AGBL1: variants seen among roughly 807,000 people sequenced by gnomAD.
AGBL1 encodes cytosolic carboxypeptidase 4.
In AGBL1, 130 loss-of-function variants were observed where a neutral mutation model predicts 118.9. The ratio of observed to expected loss-of-function variants is 1.09; its 90% CI spans 0.95 to 1.26. AGBL1 has a LOEUF of 1.26. AGBL1 is among the 50% of genes most tolerant of loss of function. AGBL1 has a pLI of 0.00. For synonymous variants in AGBL1, 555 were observed against 478.9 expected (o/e 1.16, Z -2.08); for missense variants, 1,584 against 1,298.1 (o/e 1.22, Z -3.38).
At chr15:86,769,044 C>T (rs572077634) in intron 22 of AGBL1, among the ~76,000 whole-genome samples, 21 of 152,024 alleles carry the variant, frequency 1.4e-4, no homozygotes, top group Middle Eastern at 3.4e-3. Flanking sequence ...GCCAAAGGAG[C>T]ATATTGCATC....
chr15:86,191,327 G>A (rs574602842), intron 5 of AGBL1, among the ~76,000 whole-genome samples: 178 of 118,928 alleles, frequency 1.5e-3, no homozygotes, highest in Middle Eastern at 0.013. Context: ...CAGCCTGGGC[G>A]ACAGGAGCAA....
At position 86,259,149 on chromosome 15, in the gene AGBL1, A is replaced by T. The variant is rs935499370; in HGVS notation, c.969+1118A>T. Among the ~76,000 whole-genome samples, 4 of 152,130 alleles carry T rather than the reference A, an allele frequency of 2.6e-5. No homozygotes were observed. The South Asian group carries it at 6.2e-4, about 24-fold the overall frequency. On this transcript the variant is annotated intron_variant, in intron 9 of 22. Coordinates refer to ENST00000614907, the MANE Select transcript of AGBL1 (RefSeq NM_001386094.1). ...GGGAGGCTGCCTTGTGCATTGTAGGATGTTTAGCAGCATTCCTCACCTCTA... is the reference window on the plus strand; with the variant it reads ...GGGAGGCTGCCTTGTGCATTGTAGGTTGTTTAGCAGCATTCCTCACCTCTA...
chr15:86,161,056 C>G (rs755796382), intron 5 of AGBL1, among the ~76,000 whole-genome samples: 17 of 152,160 alleles, frequency 1.1e-4, no homozygotes, highest in Non-Finnish European at 2.4e-4. Flanking sequence ...AGGCACAGAT[C>G]TGATCAAAGT....
chr15:86,315,738 A>AG lies in AGBL1; in HGVS notation c.2374+20330_2374+20331insG, dbSNP rs2079996047. Among the ~76,000 whole-genome samples, 5 of 143,642 alleles carry AG rather than the reference A, an allele frequency of 3.5e-5. No homozygotes were observed. In the East Asian group the frequency reaches 1.0e-3, roughly 29 times the overall value. 94.2% of individuals were successfully genotyped at this position (143,642 alleles called of 152,430 possible). A position where few individuals can be genotyped will look rare whatever the true frequency, so the allele number is the denominator to read the frequency against. On this transcript the variant is annotated intron_variant, in intron 17 of 22. Coordinates refer to ENST00000614907, the MANE Select transcript of AGBL1 (RefSeq NM_001386094.1). Reference sequence around the variant, plus strand: ...TTCTCAAAAAAAAAAAAAAAAAAGTATATGTAAAACACAGTGCTAGGCACA... The same window carrying AG: ...TTCTCAAAAAAAAAAAAAAAAAAGTAGTATGTAAAACACAGTGCTAGGCACA...
chr15:86,500,855 A>G (rs937654349), intron 18 of AGBL1, among the ~76,000 whole-genome samples: 2 of 151,872 alleles, frequency 1.3e-5, no homozygotes, highest in African/African-American at 4.8e-5. Context: ...TGGCTCAATA[A>G]TATTCCATTG....
At chr15:86,814,421 C>T (rs1050817455) in intron 22 of AGBL1, among the ~76,000 whole-genome samples, 4 of 152,236 alleles carry the variant, frequency 2.6e-5, no homozygotes, top group Admixed American at 1.3e-4. Context: ...GGTAGGAATT[C>T]GGTGGCCAGG....
At chr15:86,644,876 C>G (rs1407400696) in intron 21 of AGBL1, among the ~76,000 whole-genome samples, 1 of 123,370 alleles carries the variant, frequency 8.1e-6, no homozygotes, top group Non-Finnish European at 1.7e-5. Flanking sequence ...AAAAAAATAG[C>G]TGGGCGTGGT....
At chr15:86,999,476 G>A (rs12909064) in intron 24 of AGBL1, among the ~76,000 whole-genome samples, 2 of 143,748 alleles carry the variant, frequency 1.4e-5, no homozygotes, top group African/African-American at 5.6e-5. Context: ...GCGGTGTTTG[G>A]TTTTTTGTTC....
chr15:86,992,728 T>TG (rs1491437440), intron 24 of AGBL1, among the ~76,000 whole-genome samples: 1 of 150,954 alleles, frequency 6.6e-6, no homozygotes, highest in Non-Finnish European at 1.5e-5. Flanking sequence ...TTTTTTTTTT[T>TG]GTAATGATTT....
At chr15:86,184,873 T>G (rs2077606992) in intron 5 of AGBL1, among the ~76,000 whole-genome samples, 2 of 152,158 alleles carry the variant, frequency 1.3e-5, no homozygotes, top group South Asian at 4.1e-4. Context: ...TCAAGCTACC[T>G]GACTTGAAAC....
chr15:86,920,508 A>T, downstream of AGBL1, among the ~76,000 whole-genome samples: 1 of 152,204 alleles, frequency 6.6e-6, no homozygotes, highest in East Asian at 1.9e-4. Context: ...ATCCATGATC[A>T]AAAGTGGGGA....
intron 21 of AGBL1, among the ~76,000 whole-genome samples, chr15:86,566,116 G>T (rs890333771): frequency 2.0e-5 from 3 of 151,280 alleles, no homozygotes; most frequent in East Asian, 1.9e-4. Context: ...GGCTCACCTC[G>T]TTGGGCTGCA....
intron 5 of AGBL1, among the ~76,000 whole-genome samples, chr15:86,221,115 T>A (rs2078273825): frequency 6.6e-6 from 1 of 151,936 alleles, no homozygotes; most frequent in Non-Finnish European, 1.5e-5. Context: ...GGAGACTCAC[T>A]CGAACCCAAG....
intron 18 of AGBL1, among the ~76,000 whole-genome samples, chr15:86,458,728 G>A (rs1387785176): frequency 6.6e-6 from 1 of 152,152 alleles, no homozygotes; most frequent in African/African-American, 2.4e-5. Context: ...CTCACCAAAG[G>A]CACACCATCA....
intron 18 of AGBL1, among the ~76,000 whole-genome samples, chr15:86,399,898 T>G (rs936289107): frequency 5.9e-5 from 9 of 152,166 alleles, no homozygotes; most frequent in Admixed American, 5.2e-4. Context: ...ATCATGGAGC[T>G]CAAGGCACTT....
At chr15:86,632,391 C>T (rs2084987801) in intron 21 of AGBL1, among the ~76,000 whole-genome samples, 1 of 151,912 alleles carries the variant, frequency 6.6e-6, no homozygotes, top group Non-Finnish European at 1.5e-5. Flanking sequence ...TGCGGTGAGC[C>T]GAGATTTCAC....
At chr15:86,269,207 T>G (rs933123835) in intron 13 of AGBL1, among the ~76,000 whole-genome samples, 2 of 152,174 alleles carry the variant, frequency 1.3e-5, no homozygotes, top group Non-Finnish European at 2.9e-5. Context: ...GGGAGTTATA[T>G]CACAATGAAA....
chr15:86,276,344 C>T (rs1238905263), intron 15 of AGBL1, among the ~76,000 whole-genome samples: 2 of 152,138 alleles, frequency 1.3e-5, no homozygotes, highest in African/African-American at 4.8e-5. Context: ...GGGGTTGAAT[C>T]CTGTTTACTA....
chr15:86,984,971 A>G (rs1030420437), intron 23 of AGBL1, among the ~76,000 whole-genome samples: 3 of 152,104 alleles, frequency 2.0e-5, no homozygotes, highest in Non-Finnish European at 4.4e-5. Flanking sequence ...AGGTTTTTCG[A>G]TTTATAAATT....
Sources: gnomAD v4.1 joint callset for allele counts (sites outside exome capture counted in the v4.1 genomes callset) on GRCh38, gnomAD v4.1.1 for gene constraint, MANE v1.5 for transcripts, NCBI Gene and HGNC (gene_info 2026-07-23, HGNC 2026-07-21) for gene names.